BDH1: variants seen among roughly 807,000 people sequenced by gnomAD.
BDH1 encodes D-beta-hydroxybutyrate dehydrogenase, mitochondrial.
A neutral mutation model predicts 33.1 loss-of-function variants in BDH1; 30 were observed. That is an observed-to-expected ratio of 0.91 (90% CI 0.68 to 1.23). The LOEUF is 1.23. Ranked by LOEUF, BDH1 falls within the 50% of genes most tolerant of loss-of-function variation. BDH1 has a pLI of 0.00. For missense variants in BDH1, 443 were observed against 464.4 expected (o/e 0.95, Z 0.42); for synonymous variants, 190 against 183.6 (o/e 1.03, Z -0.28).
intron 5 of BDH1, chr3:197,529,755 C>A (rs762618101): frequency 6.6e-6 from 1 of 152,152 alleles, no homozygotes; most frequent in Non-Finnish European, 1.5e-5. Context: ...TAAATGATTT[C>A]TTTTACTTGT....
At chr3:197,550,741 G>T (rs1000773080) in intron 2 of BDH1, among the ~76,000 whole-genome samples, 1 of 152,084 alleles carries the variant, frequency 6.6e-6, no homozygotes, top group Admixed American at 6.5e-5. Flanking sequence ...AAGCAGCAGG[G>T]GTGGAGGTGG....
At position 197,525,591 on chromosome 3, in the gene BDH1, C is replaced by G. The variant is rs1296783995; in HGVS notation, c.268-2810G>C. 6.6e-6 allele frequency among the ~76,000 whole-genome samples: 1 copy of G among 152,222 alleles called. No individual in the cohort carries two copies. The highest frequency in any genetic ancestry group is 1.5e-5 in the Non-Finnish European group (1 of 68,032). On this transcript the variant is annotated intron_variant, in intron 5 of 7. Transcript: ENST00000392379. This position sits in a 1 kb window ranked among gnomAD's most constrained non-coding sequence, Gnocchi z 4.9. The stretch of plus-strand genomic sequence containing the variant: ...CAGGCTCCCGAGGAGAGCAACGCTA[C>G]CCTCCTATCTTCACTGACAGACCCA...
intron 2 of BDH1, among the ~76,000 whole-genome samples, chr3:197,553,044 A>C (rs1716696406): frequency 6.6e-6 from 1 of 152,012 alleles, no homozygotes; most frequent in Admixed American, 6.5e-5. Context: ...CAGCCTCCCA[A>C]GTAACTGGGG....
Position 197,512,047 on chromosome 3 carries a change from C to G in BDH1, c.880G>C (p.Asp294His). Reference protein sequence around the residue: ...METYCSSGSTDTSPVIDAVTH... With the variant: ...METYCSSGSTHTSPVIDAVTH... ...ACAGCATCGATGACAGGGGACGTGT[C>G]TGTGGAGCCACTGCTGCAGTAGGTC... The change falls in exon 8 of 8, where the codon GAC becomes CAC. Residue 294 changes from aspartate (D) to histidine (H), a missense_variant. Coordinates refer to ENST00000392379, the MANE Select transcript of BDH1 (RefSeq NM_203314.3). 6.2e-7 allele frequency: 1 copy of G among 1,614,170 alleles called. No individual in the cohort carries two copies. The highest frequency in any genetic ancestry group is 1.1e-5 in the South Asian group (1 of 91,076).
intron 6 of BDH1, chr3:197,515,488 C>T (rs1579861297): frequency 1.0e-6 from 1 of 985,724 alleles, no homozygotes; most frequent in South Asian, 4.7e-5. Context: ...GGCCACTCCC[C>T]ACCCGTCATG....
chr3:197,573,039 G>A (rs1180040188), intron 1 of BDH1: 4 of 152,006 alleles, frequency 2.6e-5, no homozygotes, highest in Non-Finnish European at 5.9e-5. Flanking sequence ...CTCTGTTTTG[G>A]GTTAACAGCA....
rs567170584 is a variant in BDH1, at chr3:197,515,493, G to A, written c.410-1077C>T. 1.3e-3 allele frequency: 1,261 copies of A among 985,592 alleles called. 7 individuals are homozygous for A. Among genetic ancestry groups the A allele is most frequent in the Non-Finnish European group, 1.5e-3 (1,224 of 830,012 alleles). The allele number at this position is 985,592 out of a possible 1,614,324, so 61.1% of individuals were successfully genotyped here. On this transcript the variant is annotated intron_variant, in intron 6 of 7. Coordinates refer to ENST00000392379, the MANE Select transcript of BDH1 (RefSeq NM_203314.3). ...AGGAGCAGCAGGCCACTCCCCACCC[G>A]TCATGGCTGACACTTCCACGTCATC...
chr3:197,561,901 C>A (rs975282592), intron 1 of BDH1, among the ~76,000 whole-genome samples: 2 of 152,184 alleles, frequency 1.3e-5, no homozygotes, highest in African/African-American at 4.8e-5. Context: ...CCCCCTTTGC[C>A]ATCTGCAGTA....
intron 3 of BDH1, among the ~76,000 whole-genome samples, chr3:197,541,732 C>A (rs9325395): frequency 6.6e-6 from 1 of 151,980 alleles, no homozygotes; most frequent in African/African-American, 2.4e-5. Context: ...GAGGCACAGA[C>A]ACTTTTTCCC....
intron 1 of BDH1, among the ~76,000 whole-genome samples, chr3:197,561,875 T>C (rs1403272663): frequency 6.6e-6 from 1 of 152,238 alleles, no homozygotes; most frequent in Non-Finnish European, 1.5e-5. Context: ...ACTTTTCTTC[T>C]ACCCTATACC....
chr3:197,545,840 T>G (rs1385165160), intron 3 of BDH1, among the ~76,000 whole-genome samples: 1 of 152,242 alleles, frequency 6.6e-6, no homozygotes, highest in African/African-American at 2.4e-5. Flanking sequence ...AAAAAGGGTT[T>G]TAAGAAGTGG....
chr3:197,562,434 T>C (rs1399215268), intron 1 of BDH1, among the ~76,000 whole-genome samples: 1 of 152,224 alleles, frequency 6.6e-6, no homozygotes, highest in Non-Finnish European at 1.5e-5. Flanking sequence ...ACATTTGCTC[T>C]TTCCAGCGAA....
chr3:197,514,186 A>C lies in BDH1; in HGVS notation c.562+78T>G, dbSNP rs780150226. ...AGTTGTGGACATTGGAGCTGCTGGGACAGGTATTTCCATTCTGAGCAAAGA... is the reference window on the plus strand; with the variant it reads ...AGTTGTGGACATTGGAGCTGCTGGGCCAGGTATTTCCATTCTGAGCAAAGA... On this transcript the variant is annotated intron_variant, in intron 7 of 7. Transcript: ENST00000392379. This position sits in a 1 kb window ranked among gnomAD's most constrained non-coding sequence, Gnocchi z 4.2. The C allele has an allele frequency of 1.3e-6, 2 of 1,517,834 alleles. No individual in the cohort carries two copies. The highest frequency in any genetic ancestry group is 1.8e-6 in the Non-Finnish European group (2 of 1,123,984). The allele number at this position is 1,517,834 out of a possible 1,614,324, so 94.0% of individuals were successfully genotyped here.
chr3:197,552,273 G>A (rs1349509759), intron 2 of BDH1, among the ~76,000 whole-genome samples: 1 of 152,104 alleles, frequency 6.6e-6, no homozygotes, highest in African/African-American at 2.4e-5. Context: ...TCCGCTACCA[G>A]CCTAGTCCAA....
Position 197,514,319 on chromosome 3 carries a change from A to T in BDH1, c.507T>A (p.Leu169=), listed in dbSNP as rs776628807. Residue 169 remains leucine, a synonymous_variant, in exon 7 of 8, where the codon CTT becomes CTA. Transcript: ENST00000392379. This position sits in a 1 kb window ranked among gnomAD's most constrained non-coding sequence, Gnocchi z 4.2. The stretch of plus-strand genomic sequence containing the variant: ...ATTTCGTCATCCGCACTGTGCCCCA[A>T]AGGTTCACTTCTGCCACCTGCTTGT... ...ETYKQVAEVN[L]WGTVRMTKSF... 1.5e-5 allele frequency: 24 copies of T among 1,613,798 alleles called. No individual in the cohort carries two copies. In the East Asian group the frequency reaches 4.2e-4, roughly 28 times the overall value.
At chr3:197,560,034 A>C (rs367745860), upstream of BDH1, among the ~76,000 whole-genome samples, 4 of 152,332 alleles carry the variant, frequency 2.6e-5, no homozygotes, top group African/African-American at 9.6e-5. Context: ...AGCACTCAGC[A>C]CACTCTCCTC....
chr3:197,522,755 C>T lies in BDH1; in HGVS notation c.294G>A (p.Glu98=), dbSNP rs1713695686. The T allele has an allele frequency of 6.2e-7, 1 of 1,613,998 alleles. No homozygotes were observed. Among genetic ancestry groups the T allele is most frequent in the African/African-American group, 1.3e-5 (1 of 74,928 alleles). ...ATCGGTCACTGTTTAGGCTGTCCAG[C>T]TCCTTGACCCCATCATGGCCTTTGT... ...MKDKGHDGVK[E]LDSLNSDRLR... Residue 98 remains glutamate, a synonymous_variant, in exon 6 of 8, where the codon GAG becomes GAA. Coordinates refer to ENST00000392379, the MANE Select transcript of BDH1 (RefSeq NM_203314.3). The surrounding 1 kb of genome is among the most constrained non-coding windows in gnomAD (Gnocchi z 4.8).
At chr3:197,536,182 T>C (rs181285265) in intron 3 of BDH1, among the ~76,000 whole-genome samples, 39 of 152,362 alleles carry the variant, frequency 2.6e-4, no homozygotes, top group Non-Finnish European at 5.3e-4. Context: ...ACGTTATCTT[T>C]CCTCTATTGA....
chr3:197,542,954 A>G (rs147637544), intron 3 of BDH1: 21,458 of 976,996 alleles, frequency 0.022, 301 homozygotes, highest in Non-Finnish European at 0.024. Context: ...GCACCTCCCC[A>G]AGGCCCTGTG....
Sources: gnomAD v4.1 joint callset for allele counts (sites outside exome capture counted in the v4.1 genomes callset) on GRCh38, gnomAD v4.1.1 for gene constraint, Gnocchi (gnomAD v3.1) non-coding constraint, MANE v1.5 for transcripts, NCBI Gene and HGNC (gene_info 2026-07-23, HGNC 2026-07-21) for gene names.